The following DLG2 variants were observed in gnomAD, a reference collection of about 807,000 sequenced individuals.
DLG2 encodes the protein discs large MAGUK scaffold protein 2.
A neutral mutation model predicts 132.5 loss-of-function variants in DLG2; 45 were observed. That is an observed-to-expected ratio of 0.34 (90% CI 0.27 to 0.44). The LOEUF (loss-of-function observed/expected upper bound fraction) is 0.44, where lower values mean the gene tolerates loss of function less well. DLG2 is among the 20% of genes least tolerant of loss of function. DLG2 has a pLI of 1.00. For missense variants in DLG2, 1,045 were observed against 1,196.9 expected (o/e 0.87, Z 1.87); for synonymous variants, 424 against 419.6 (o/e 1.01, Z -0.13).
intron 3 of DLG2, among the ~76,000 whole-genome samples, chr11:85,391,650 T>C (rs2086807489): frequency 6.6e-6 from 1 of 152,066 alleles, no homozygotes; most frequent in Non-Finnish European, 1.5e-5. Flanking sequence ...AGCCAATAAA[T>C]GTGATACACC....
intron 8 of DLG2, among the ~76,000 whole-genome samples, chr11:84,172,077 G>C (rs976597101): frequency 1.3e-5 from 2 of 152,072 alleles, no homozygotes; most frequent in South Asian, 4.1e-4. Flanking sequence ...ATTCATCTTT[G>C]TTATGCATTA....
intron 14 of DLG2, among the ~76,000 whole-genome samples, chr11:83,951,340 T>C (rs555179270): frequency 3.9e-5 from 6 of 152,248 alleles, no homozygotes; most frequent in African/African-American, 1.2e-4. Context: ...GATAAGTCCC[T>C]GAGCCATAAA....
intron 7 of DLG2, among the ~76,000 whole-genome samples, chr11:84,271,972 A>AAAG (rs2097729950): frequency 1.5e-5 from 2 of 135,738 alleles, no homozygotes; most frequent in Non-Finnish European, 3.2e-5. Flanking sequence ...AAAAAAAAAA[A>AAAG]GGAAGAGAAG....
chr11:83,955,080 G>T (rs190388551), intron 14 of DLG2, among the ~76,000 whole-genome samples: 13 of 152,232 alleles, frequency 8.5e-5, no homozygotes, highest in African/African-American at 2.9e-4. Context: ...TAAAATCCTT[G>T]TTTTTTCAAT....
intron 6 of DLG2, chr11:84,955,208 T>C (rs771791741): frequency 6.6e-6 from 1 of 152,224 alleles, no homozygotes; most frequent in African/African-American, 2.4e-5. Flanking sequence ...GCCTGGTCCA[T>C]AACAGTGCTC....
intron 3 of DLG2, among the ~76,000 whole-genome samples, chr11:85,377,453 T>A (rs1346316166): frequency 6.6e-6 from 1 of 152,128 alleles, no homozygotes; most frequent in Non-Finnish European, 1.5e-5. Flanking sequence ...GTAAGAAAAG[T>A]ACTGGGCTTG....
chr11:83,528,263 A>T (rs542652488), intron 21 of DLG2, among the ~76,000 whole-genome samples: 17 of 152,336 alleles, frequency 1.1e-4, no homozygotes, highest in African/African-American at 3.6e-4. Context: ...TTTGTAGCAG[A>T]TGAGCACTTT....
At position 85,209,297 on chromosome 11, in the gene DLG2, G is replaced by A. The variant is rs143120088; in HGVS notation, c.187-54646C>T. On this transcript the variant is annotated intron_variant, in intron 4 of 27. Coordinates refer to ENST00000376104, the MANE Select transcript of DLG2 (RefSeq NM_001142699.3). ...CTAATATCAATGTTGATTTTTTTTA[G>A]ATTTTTAGCAACCTGCCCCAGTATA... 4.6e-3 allele frequency among the ~76,000 whole-genome samples: 703 copies of A among 151,966 alleles called. 5 individuals carry two copies. Among genetic ancestry groups the A allele is most frequent in the African/African-American group, 0.016 (645 of 41,448 alleles).
chr11:85,134,770 C>G (rs1211848524), intron 5 of DLG2, among the ~76,000 whole-genome samples: 1 of 151,792 alleles, frequency 6.6e-6, no homozygotes, highest in Non-Finnish European at 1.5e-5. Flanking sequence ...AATACGTGTT[C>G]TGAGGAAAAA....
chr11:84,386,693 C>T (rs1366890118), intron 7 of DLG2, among the ~76,000 whole-genome samples: 5 of 151,936 alleles, frequency 3.3e-5, no homozygotes, highest in Non-Finnish European at 7.4e-5. Context: ...GCATTTTTTT[C>T]TTTGCAAATC....
intron 7 of DLG2, among the ~76,000 whole-genome samples, chr11:84,405,032 C>T (rs1257624511): frequency 1.3e-5 from 2 of 151,956 alleles, no homozygotes; most frequent in Non-Finnish European, 2.9e-5. Context: ...CACCCAGGTT[C>T]AAAGGAAATG....
chr11:84,595,110 C>T (rs990248995), intron 6 of DLG2, among the ~76,000 whole-genome samples: 1 of 151,980 alleles, frequency 6.6e-6, no homozygotes, highest in Admixed American at 6.6e-5. Flanking sequence ...GGGTCTCATA[C>T]CTATCTTGAA....
At chr11:84,253,878 T>C (rs894550006) in intron 7 of DLG2, among the ~76,000 whole-genome samples, 3 of 152,272 alleles carry the variant, frequency 2.0e-5, no homozygotes, top group African/African-American at 7.2e-5. Context: ...TAGGTGGTTC[T>C]ATCACAAGAG....
intron 9 of DLG2, among the ~76,000 whole-genome samples, chr11:84,138,486 G>A (rs73515762): frequency 0.073 from 11,044 of 152,176 alleles, 579 homozygotes; most frequent in African/African-American, 0.14. Context: ...AAACCAAACA[G>A]GCTGAAGACA....
chr11:83,836,382 C>T (rs1004064326), intron 16 of DLG2, among the ~76,000 whole-genome samples: 7 of 152,174 alleles, frequency 4.6e-5, no homozygotes, highest in African/African-American at 1.7e-4. Flanking sequence ...GTACCCATTT[C>T]CTTGCTGGCC....
intron 12 of DLG2, 98 bp downstream of exon 12, chr11:83,980,408 G>A (rs770865240): frequency 5.2e-6 from 7 of 1,345,166 alleles, no homozygotes; most frequent in Non-Finnish European, 7.0e-6. Context: ...CCACCCTGTG[G>A]TATTTTGTGA....
In DLG2 at chr11:84,186,399, A is replaced by C. The variant is rs1030595915; in HGVS notation, c.574-22888T>G. Reference sequence around the variant, plus strand: ...TAAACCTAAGAGAGCTGGAGCGGCTATACTGATATTAGACAACTTAGAATT... The same window carrying C: ...TAAACCTAAGAGAGCTGGAGCGGCTCTACTGATATTAGACAACTTAGAATT... On this transcript the variant is annotated intron_variant, in intron 8 of 27. Coordinates refer to ENST00000376104, the MANE Select transcript of DLG2 (RefSeq NM_001142699.3). 5.9e-5 allele frequency among the ~76,000 whole-genome samples: 9 copies of C among 152,178 alleles called. No homozygotes were observed. The East Asian group carries it at 1.5e-3, about 26-fold the overall frequency.
rs576044310 is a variant in DLG2, at chr11:83,821,641, T to G, written c.1722+11973A>C. ...AGTCATGTTTTCATTATTGAACACTTATAAAGTGCCAGATACTTTTCAAAA... is the reference window on the plus strand; with the variant it reads ...AGTCATGTTTTCATTATTGAACACTGATAAAGTGCCAGATACTTTTCAAAA... On this transcript the variant is annotated intron_variant, in intron 17 of 27. Coordinates refer to ENST00000376104, the MANE Select transcript of DLG2 (RefSeq NM_001142699.3). Among the ~76,000 whole-genome samples, 7 of 152,266 alleles carry G rather than the reference T, an allele frequency of 4.6e-5. No individual in the cohort carries two copies. In the East Asian group the frequency reaches 1.4e-3, roughly 29 times the overall value.
intron 7 of DLG2, chr11:84,317,432 G>T: frequency 8.5e-7 from 1 of 1,180,080 alleles, no homozygotes; most frequent in Non-Finnish European, 1.1e-6. Flanking sequence ...GCTCCACACA[G>T]CTGGGCTACA....
Sources: gnomAD v4.1 joint callset for allele counts (sites outside exome capture counted in the v4.1 genomes callset) on GRCh38, gnomAD v4.1.1 for gene constraint, MANE v1.5 for transcripts, NCBI Gene and HGNC (gene_info 2026-07-23, HGNC 2026-07-21) for gene names.